The following DMD variants were observed in gnomAD, a reference collection of about 807,000 sequenced individuals.
DMD encodes mutant dystrophin.
DMD carries 63 observed loss-of-function variants against 330.1 expected under a neutral mutation model. The ratio of observed to expected loss-of-function variants is 0.19; its 90% CI spans 0.16 to 0.24. DMD has a LOEUF of 0.24. DMD is among the 10% of genes least tolerant of loss of function. The pLI is 1.00. For missense variants in DMD, 3,344 were observed against 2,684.1 expected, an observed-to-expected ratio of 1.25 and a Z score of -5.43; for synonymous variants, 1,223 against 959.8, an observed-to-expected ratio of 1.27 and a Z score of -5.07.
intron 67 of DMD, among the ~76,000 whole-genome samples, chrX:31,195,785 A>G (rs778599646): frequency 1.9e-5 from 2 of 107,447 alleles, no homozygotes; most frequent in Non-Finnish European, 3.9e-5. Context: ...GAAAAGAAAG[A>G]AAGAAAGGAA....
chrX:32,994,347 A>ACC (rs1557193991), intron 2 of DMD, among the ~76,000 whole-genome samples: 161 of 109,975 alleles, frequency 1.5e-3, no homozygotes, highest in African/African-American at 4.7e-3. Context: ...AAAAAAAAAA[A>ACC]AATAGATTGT....
At chrX:31,909,534 A>G (rs1183971956) in intron 47 of DMD, among the ~76,000 whole-genome samples, 1 of 108,981 alleles carries the variant, frequency 9.2e-6, no homozygotes, top group Non-Finnish European at 1.9e-5. Flanking sequence ...AAAAAAAAAA[A>G]AACAAGAAAC....
chrX:32,429,204 CTTTCCT>C (rs1442888199), intron 29 of DMD, among the ~76,000 whole-genome samples: 1 of 81,049 alleles, frequency 1.2e-5, no homozygotes, highest in African/African-American at 4.7e-5. Flanking sequence ...TTTTTCTTTT[CTTTCCT>C]TTTTTTTTTT....
intron 18 of DMD, among the ~76,000 whole-genome samples, chrX:32,510,995 T>C (rs958968324): frequency 9.1e-6 from 1 of 110,048 alleles, no homozygotes; most frequent in African/African-American, 3.3e-5. Context: ...TGTATGTACA[T>C]ATATGTACAT....
intron 44 of DMD, among the ~76,000 whole-genome samples, chrX:32,065,754 A>T (rs183016892): frequency 8.9e-5 from 10 of 112,054 alleles, no homozygotes; most frequent in Non-Finnish European, 1.9e-4. Flanking sequence ...GCAATAAAGC[A>T]GAAAAATAAT....
chrX:32,711,526 C>T (rs763883861), intron 7 of DMD, among the ~76,000 whole-genome samples: 1 of 111,556 alleles, frequency 9.0e-6, no homozygotes, highest in Non-Finnish European at 1.9e-5. Context: ...CGGTTTTGGC[C>T]CCAAGAGTTC....
chrX:31,455,779 C>G (rs767676372), intron 59 of DMD, among the ~76,000 whole-genome samples: 1 of 112,153 alleles, frequency 8.9e-6, no homozygotes, highest in African/African-American at 3.2e-5. Context: ...GTAGCCTATT[C>G]AAGGAAAATA....
At chrX:32,393,817 G>A (rs1040928942) in intron 30 of DMD, among the ~76,000 whole-genome samples, 1 of 110,585 alleles carries the variant, frequency 9.0e-6, no homozygotes, top group African/African-American at 3.3e-5. Flanking sequence ...CAATTGATGT[G>A]AGAATTTTAA....
chrX:31,151,210 T>C lies in DMD; in HGVS notation c.10554-3692A>G, dbSNP rs945689758. ...CAATCAGTTCAATGTTTCTGTGAAC[T>C]TGAAGCAGTATCCAATGTTCACAAG... On this transcript the variant is annotated intron_variant, in intron 74 of 78. Coordinates refer to ENST00000357033, the MANE Select transcript of DMD (RefSeq NM_004006.3). Among the ~76,000 whole-genome samples, 4 of 112,574 alleles carry C rather than the reference T, an allele frequency of 3.6e-5. No homozygotes were observed. In the East Asian group the frequency reaches 1.1e-3, roughly 31 times the overall value.
intron 44 of DMD, among the ~76,000 whole-genome samples, chrX:32,058,566 TAAAA>T (rs34845512): frequency 1.4e-5 from 1 of 72,284 alleles, no homozygotes; most frequent in Non-Finnish European, 2.7e-5. Context: ...TAACCATTAT[TAAAA>T]AAAAAAAAAA....
chrX:32,367,871 C>T (rs2097859843), intron 34 of DMD, among the ~76,000 whole-genome samples: 1 of 111,745 alleles, frequency 8.9e-6, no homozygotes, highest in Non-Finnish European at 1.9e-5. Context: ...TTTATAACTG[C>T]TAATGGTCAA....
At chrX:32,686,559 C>CAAAAA (rs750534167) in intron 9 of DMD, among the ~76,000 whole-genome samples, 881 of 26,657 alleles carry the variant, frequency 0.033, no homozygotes, top group East Asian at 0.045. Flanking sequence ...AACTCCATCT[C>CAAAAA]AAAAAAAAAA....
chrX:31,936,087 C>T (rs1336811143), intron 45 of DMD, among the ~76,000 whole-genome samples: 1 of 110,978 alleles, frequency 9.0e-6, no homozygotes, highest in African/African-American at 3.3e-5. Context: ...GCTTTAAAAA[C>T]TTGATTTTTT....
rs1260140947 is a variant in DMD, at chrX:32,565,893, A to G, written c.1813-12T>C. ...TCCGCTTTTAAAACCTGTTAAAACA[A>G]GAAAGATCACAGAATAAGCCTGGGT... On this transcript the variant is annotated splice_polypyrimidine_tract_variant and intron_variant, in intron 15 of 78. Coordinates refer to ENST00000357033, the MANE Select transcript of DMD (RefSeq NM_004006.3). 8.3e-7 allele frequency: 1 copy of G among 1,200,282 alleles called. No individual in the cohort carries two copies. Among genetic ancestry groups the G allele is most frequent in the African/African-American group, 1.8e-5 (1 of 57,096 alleles).
intron 1 of DMD, among the ~76,000 whole-genome samples, chrX:33,284,412 A>G (rs2053394967): frequency 9.0e-6 from 1 of 111,195 alleles, no homozygotes; most frequent in African/African-American, 3.3e-5. Context: ...TGGAACTTTT[A>G]GTTTCCAAAT....
At chrX:31,177,557 A>G (rs763909460) in intron 71 of DMD, among the ~76,000 whole-genome samples, 1 of 111,835 alleles carries the variant, frequency 8.9e-6, no homozygotes, top group South Asian at 3.8e-4. Context: ...TGGCTAAAGA[A>G]TGTTATTATG....
intron 60 of DMD, among the ~76,000 whole-genome samples, chrX:31,360,907 A>C (rs2058905185): frequency 8.9e-6 from 1 of 112,035 alleles, no homozygotes. Flanking sequence ...AAAGCGTTTA[A>C]CAGCATCTGT....
chrX:31,855,736 A>C (rs965476479), intron 48 of DMD, among the ~76,000 whole-genome samples: 13 of 111,578 alleles, frequency 1.2e-4, no homozygotes, highest in African/African-American at 4.2e-4. Context: ...TTTTAAAAAA[A>C]AACAGCAACA....
chrX:31,578,295 T>C (rs1230563434), intron 55 of DMD, among the ~76,000 whole-genome samples: 3 of 111,847 alleles, frequency 2.7e-5, no homozygotes, highest in Non-Finnish European at 5.6e-5. Context: ...AGATTGATGC[T>C]GAGAGAAGTT....
Sources: allele counts gnomAD v4.1 joint callset (sites outside exome capture counted in the v4.1 genomes callset), GRCh38; gene constraint gnomAD v4.1.1; transcripts MANE v1.5; gene names NCBI Gene and HGNC (gene_info 2026-07-23, HGNC 2026-07-21).